Variants in DGKB observed in about 807,000 individuals in gnomAD.
DGKB encodes diacylglycerol kinase beta.
DGKB carries 67 observed loss-of-function variants against 114.3 expected under a neutral mutation model. The ratio of observed to expected loss-of-function variants is 0.59; its 90% CI spans 0.48 to 0.72. The LOEUF (loss-of-function observed/expected upper bound fraction) is 0.72. Ranked by LOEUF, DGKB falls within the 30% of genes least tolerant of loss-of-function variation. The pLI is 0.00. For missense variants in DGKB, 907 were observed against 975.2 expected (o/e 0.93, Z 0.93); for synonymous variants, 398 against 323.1 (o/e 1.23, Z -2.49).
At chr7:14,931,976 C>G (rs1785042904) in intron 1 of DGKB, among the ~76,000 whole-genome samples, 1 of 152,142 alleles carries the variant, frequency 6.6e-6, no homozygotes, top group Admixed American at 6.5e-5. Flanking sequence ...CTGAGTTTCT[C>G]CAACAGCTGC....
chr7:14,283,755 C>A (rs956024134), intron 23 of DGKB, among the ~76,000 whole-genome samples: 1 of 152,094 alleles, frequency 6.6e-6, no homozygotes, highest in Admixed American at 6.6e-5. Flanking sequence ...CAAAAACAAG[C>A]AATGGGGAAA....
At chr7:14,223,006 T>C (rs536083464) in intron 23 of DGKB, among the ~76,000 whole-genome samples, 1 of 151,756 alleles carries the variant, frequency 6.6e-6, no homozygotes, top group Non-Finnish European at 1.5e-5. Flanking sequence ...TCATTTACTT[T>C]CAATCTATTT....
In DGKB at chr7:14,589,611, A is replaced by G. The variant is rs141088988; in HGVS notation, c.1434-6474T>C. ...TTCTACTCCTATCATAAGAATTTTT[A>G]CTATATAAAAATATTAAGTTTTTCT... On this transcript the variant is annotated intron_variant, in intron 17 of 25. Transcript: ENST00000402815. Among the ~76,000 whole-genome samples, 427 of 152,034 alleles carry G rather than the reference A, an allele frequency of 2.8e-3. 1 individual carries two copies. The highest frequency in any genetic ancestry group is 9.7e-3 in the African/African-American group (401 of 41,518).
intron 2 of DGKB, among the ~76,000 whole-genome samples, chr7:14,791,269 T>C (rs190962561): frequency 3.9e-5 from 6 of 152,224 alleles, no homozygotes; most frequent in Non-Finnish European, 7.3e-5. Context: ...TTGGGATGTT[T>C]ATCTTCTATC....
intron 20 of DGKB, among the ~76,000 whole-genome samples, chr7:14,507,366 T>G (rs1217355649): frequency 3.3e-5 from 5 of 152,310 alleles, no homozygotes; most frequent in African/African-American, 1.2e-4. Context: ...ATGAAATACT[T>G]AACTCCCCTG....
chr7:14,214,159 C>A (rs559451391), intron 23 of DGKB, among the ~76,000 whole-genome samples: 1 of 152,116 alleles, frequency 6.6e-6, no homozygotes. Flanking sequence ...ACATGGCTTC[C>A]TTCCTTAAAA....
intron 1 of DGKB, among the ~76,000 whole-genome samples, chr7:14,857,436 GT>G (rs1413322565): frequency 6.6e-6 from 1 of 151,892 alleles, no homozygotes; most frequent in Non-Finnish European, 1.5e-5. Context: ...CTTGTGAGAC[GT>G]TAAGCAGAGA....
chr7:14,857,360 A>C, intron 1 of DGKB, among the ~76,000 whole-genome samples: 1 of 151,840 alleles, frequency 6.6e-6, no homozygotes. Context: ...AAGGACCCCC[A>C]AAGTGGATCT....
At chr7:14,791,744 T>C (rs540262357) in intron 2 of DGKB, among the ~76,000 whole-genome samples, 88 of 152,354 alleles carry the variant, frequency 5.8e-4, no homozygotes, top group African/African-American at 1.9e-3. Flanking sequence ...TTTTCTAATA[T>C]TGAACTAACC....
intron 20 of DGKB, among the ~76,000 whole-genome samples, chr7:14,485,842 G>GATT (rs1175753670): frequency 6.7e-6 from 1 of 149,000 alleles, no homozygotes; most frequent in African/African-American, 2.5e-5. Context: ...AGTGGGCTAA[G>GATT]ACTGCGCCAT....
chr7:14,278,664 C>T (rs959862660), intron 23 of DGKB, among the ~76,000 whole-genome samples: 2 of 152,090 alleles, frequency 1.3e-5, no homozygotes, highest in Non-Finnish European at 2.9e-5. Flanking sequence ...AAATGTTCTG[C>T]ATGGGAAATG....
intron 23 of DGKB, among the ~76,000 whole-genome samples, chr7:14,288,219 GTTTTTTTTTTTTTAATTT>G (rs1397097550): frequency 1.9e-5 from 2 of 106,328 alleles, no homozygotes; most frequent in Non-Finnish European, 3.5e-5. Flanking sequence ...TTGATAATCT[GTTTTTTTTTTTTTAATTT>G]TTTTTTTTTG....
intron 2 of DGKB, among the ~76,000 whole-genome samples, chr7:14,805,774 T>G (rs981389644): frequency 3.2e-4 from 48 of 151,808 alleles, no homozygotes; most frequent in African/African-American, 1.1e-3. Context: ...AAGGAAATTA[T>G]GCTTATGCTT....
chr7:14,420,190 A>G (rs1019222826), intron 21 of DGKB, among the ~76,000 whole-genome samples: 1 of 151,892 alleles, frequency 6.6e-6, no homozygotes, highest in Non-Finnish European at 1.5e-5. Context: ...TTATATAAAC[A>G]AAATTTTTTG....
intron 20 of DGKB, among the ~76,000 whole-genome samples, chr7:14,504,664 C>T (rs981671114): frequency 6.6e-6 from 1 of 152,016 alleles, no homozygotes; most frequent in African/African-American, 2.4e-5. Context: ...AATAAGTTGT[C>T]AGTATATGAA....
At chr7:14,780,613 G>C (rs1021139571) in intron 2 of DGKB, among the ~76,000 whole-genome samples, 2 of 147,408 alleles carry the variant, frequency 1.4e-5, no homozygotes, top group African/African-American at 5.3e-5. Flanking sequence ...ATAGCATTTT[G>C]AGCATGATGT....
At chr7:14,839,609 C>A (rs1425771371) in intron 2 of DGKB, among the ~76,000 whole-genome samples, 1 of 151,728 alleles carries the variant, frequency 6.6e-6, no homozygotes, top group African/African-American at 2.4e-5. Flanking sequence ...ACTGTTTTGC[C>A]CAGTCTAGTC....
chr7:14,892,941 T>TAC (rs201222867), intron 1 of DGKB, among the ~76,000 whole-genome samples: 2,041 of 150,012 alleles, frequency 0.014, 19 homozygotes, highest in Non-Finnish European at 0.021. Flanking sequence ...TGTGTATATA[T>TAC]ACACACACAT....
At chr7:14,421,372 A>G (rs1826668454) in intron 21 of DGKB, among the ~76,000 whole-genome samples, 1 of 152,072 alleles carries the variant, frequency 6.6e-6, no homozygotes, top group Non-Finnish European at 1.5e-5. Context: ...TTACAAACAT[A>G]TATGCTCATT....
Sources: gnomAD v4.1 joint callset for allele counts (sites outside exome capture counted in the v4.1 genomes callset) on GRCh38, gnomAD v4.1.1 for gene constraint, MANE v1.5 for transcripts, NCBI Gene and HGNC (gene_info 2026-07-23, HGNC 2026-07-21) for gene names.